The following SCN7A variants were observed in gnomAD, a reference collection of about 807,000 sequenced individuals.
The protein encoded by SCN7A is sodium channel protein type 7 subunit alpha.
A neutral mutation model predicts 155.2 loss-of-function variants in SCN7A; 138 were observed. That is an observed-to-expected ratio of 0.89 (90% CI 0.77 to 1.02). SCN7A has a LOEUF of 1.02. Ranked by LOEUF, SCN7A falls within the 50% of genes least tolerant of loss-of-function variation. The pLI is 0.00. For missense variants in SCN7A, 2,058 were observed against 1,986.6 expected, an observed-to-expected ratio of 1.04 and a Z score of -0.68; for synonymous variants, 693 against 649.0, an observed-to-expected ratio of 1.07 and a Z score of -1.03.
rs35864629 is a variant in SCN7A at position 166,409,708 on chromosome 2, C to A, written c.3939G>T (p.Ala1313=). 1.2e-5 allele frequency: 19 copies of A among 1,539,492 alleles called. No homozygotes were observed. Among genetic ancestry groups the A allele is most frequent in the East Asian group, 4.9e-5 (2 of 40,814 alleles). ...CCACCATAAAATCAAAAATGTTCCA[C>A]GCAATGGTGAAATAAAAACAACGGA... ...IAFRCFYFTI[A]WNIFDFMVVI... Residue 1313 remains alanine, a synonymous_variant, in exon 25 of 26, where the codon GCG becomes GCT. Transcript: ENST00000643258.
At position 166,406,146 on chromosome 2, in the gene SCN7A, C is replaced by A; in HGVS notation, c.4483G>T (p.Val1495Phe). 2 of 1,611,936 alleles carry A rather than the reference C, an allele frequency of 1.2e-6. No individual in the cohort carries two copies. Among genetic ancestry groups the A allele is most frequent in the Non-Finnish European group, 1.7e-6 (2 of 1,178,856 alleles). Reference sequence around the variant, plus strand: ...GAAGCAATATTTAAAAACTCCATGACAACAACAATGTACATATTTACAATG... The same window carrying A: ...GAAGCAATATTTAAAAACTCCATGAAAACAACAATGTACATATTTACAATG... ...LIIVNMYIVVVMEFLNIASKK... is the reference protein window; with the variant it reads ...LIIVNMYIVVFMEFLNIASKK... The change falls in exon 26 of 26, where the codon GTC becomes TTC. Residue 1495 changes from valine to phenylalanine, a missense_variant. Transcript: ENST00000643258.
intron 2 of SCN7A, 38 bp from the exon 3 acceptor site, chr2:166,477,748 AAAACATAAAAGTAC>A: frequency 7.7e-7 from 1 of 1,303,432 alleles, no homozygotes; most frequent in Non-Finnish European, 1.0e-6. Flanking sequence ...GTATACTAAT[AAAACATAAAAGTAC>A]AAAAGATTAG....
rs776347908 is a variant in SCN7A at position 166,423,253 on chromosome 2, AC to A, written c.3027+5del. 6.3e-6 allele frequency: 10 copies of A among 1,596,326 alleles called. No homozygotes were observed. In the Admixed American group the frequency reaches 1.1e-4, roughly 18 times the overall value. ...AATAGCCTTTCATTTTCTTTAAAAT[AC>A]GTACAATAACAACCACGAAGTCCAG... On this transcript the variant is annotated splice_donor_5th_base_variant and intron_variant, in intron 19 of 25. Coordinates refer to ENST00000643258, the MANE Select transcript of SCN7A (RefSeq NM_002976.4).
chr2:166,406,843 G>T (rs1037808713), intron 25 of SCN7A, among the ~76,000 whole-genome samples, 197 bp from the exon 26 acceptor site: 5 of 151,940 alleles, frequency 3.3e-5, no homozygotes, highest in Admixed American at 3.3e-4. Flanking sequence ...TTGTATCAAT[G>T]CTCAGGGTAT....
chr2:166,425,882 C>T (rs1306361973), intron 18 of SCN7A, among the ~76,000 whole-genome samples: 6 of 152,018 alleles, frequency 3.9e-5, no homozygotes, highest in Admixed American at 2.6e-4. Context: ...ATTTGAGGAC[C>T]ATTTATCAGC....
At chr2:166,471,998 A>G (rs998556898) in intron 6 of SCN7A, among the ~76,000 whole-genome samples, 1 of 151,922 alleles carries the variant, frequency 6.6e-6, no homozygotes, top group Admixed American at 6.6e-5. Context: ...GTTTTAGGGT[A>G]TATGTGCACA....
chr2:166,480,327 G>A (rs899930184), intron 2 of SCN7A, among the ~76,000 whole-genome samples: 1 of 151,864 alleles, frequency 6.6e-6, no homozygotes, highest in South Asian at 2.1e-4. Flanking sequence ...GCGTGGTGGC[G>A]GGCGCCTGTA....
intron 2 of SCN7A, among the ~76,000 whole-genome samples, chr2:166,486,031 A>G (rs1703038284): frequency 6.6e-6 from 1 of 152,154 alleles, no homozygotes; most frequent in African/African-American, 2.4e-5. Context: ...CCAGATTATA[A>G]CTTGCCCTTC....
At chr2:166,412,705 T>A in intron 22 of SCN7A, 38 bp from the exon 23 acceptor site, 1 of 1,459,262 alleles carries the variant, frequency 6.9e-7, no homozygotes, top group South Asian at 1.5e-5. Flanking sequence ...GATATTGGCT[T>A]TTTAAAACAA....
intron 21 of SCN7A, among the ~76,000 whole-genome samples, chr2:166,414,242 G>A (rs1457962977): frequency 3.4e-4 from 20 of 59,062 alleles, no homozygotes; most frequent in East Asian, 7.1e-4. Context: ...ATCTATATAT[G>A]TAAATATATA....
At chr2:166,479,880 T>C (rs1478010459) in intron 2 of SCN7A, among the ~76,000 whole-genome samples, 1 of 152,090 alleles carries the variant, frequency 6.6e-6, no homozygotes, top group Non-Finnish European at 1.5e-5. Context: ...AAGGGAAGAA[T>C]ATGTGCTAGG....
chr2:166,443,913 A>G (rs1043822438), intron 13 of SCN7A, among the ~76,000 whole-genome samples: 1 of 152,198 alleles, frequency 6.6e-6, no homozygotes, highest in Non-Finnish European at 1.5e-5. Context: ...AATAAAATTG[A>G]TCCTCGAAGA....
Position 166,444,814 on chromosome 2 carries a change from T to C in SCN7A, c.1574A>G (p.Glu525Gly). ...AGTTTGTTTACTCATTGGATAATGC[T>C]CCAAGGTCAGAAAACATACGTTTAA... ...IILNVCFLTL[E>G]HYPMSKQTNT... is the part of the protein sequence containing the mutation. Residue 525 changes from glutamate (E) to glycine (G), a missense_variant, in exon 13 of 26, where the codon GAG (glutamate) becomes GGG (glycine). Glu to Gly is a moderately conservative substitution (Grantham distance 98). Transcript: ENST00000643258. The C allele has an allele frequency of 6.2e-7, 1 of 1,607,920 alleles. No individual in the cohort carries two copies.
intron 2 of SCN7A, among the ~76,000 whole-genome samples, chr2:166,484,692 C>T (rs1003222178): frequency 3.3e-5 from 5 of 151,828 alleles, no homozygotes; most frequent in African/African-American, 1.2e-4. Flanking sequence ...GAAAAAATGA[C>T]ACATTATAAA....
intron 2 of SCN7A, among the ~76,000 whole-genome samples, chr2:166,481,078 A>G (rs1224208554): frequency 6.6e-6 from 1 of 152,224 alleles, no homozygotes; most frequent in Non-Finnish European, 1.5e-5. Flanking sequence ...AGTTATCTAT[A>G]TTCGATATGA....
Position 166,405,344 on chromosome 2 carries a change from T to C in SCN7A, c.*236A>G. The C allele has an allele frequency of 4.5e-6, 2 of 443,158 alleles. No individual in the cohort carries two copies. Among genetic ancestry groups the C allele is most frequent in the Non-Finnish European group, 7.9e-6 (2 of 253,606 alleles). 27.5% of individuals were successfully genotyped at this position (443,158 alleles called of 1,614,324 possible). ...CCATGTAGAGAAAACAAATATGAGA[T>C]TGTCAAATGGCCACTTTAACCCACT... is the stretch of plus-strand genomic sequence containing the variant. On this transcript the variant is annotated 3_prime_UTR_variant, in exon 26 of 26. Coordinates refer to ENST00000643258, the MANE Select transcript of SCN7A (RefSeq NM_002976.4).
intron 9 of SCN7A, among the ~76,000 whole-genome samples, chr2:166,463,728 G>A (rs1702462896): frequency 6.6e-6 from 1 of 152,138 alleles, no homozygotes; most frequent in Admixed American, 6.5e-5. Context: ...AGAACAGAAT[G>A]GGAGCCCAGC....
intron 22 of SCN7A, 33 bp from the exon 23 acceptor site, chr2:166,412,700 T>C (rs1475848413): frequency 1.4e-6 from 2 of 1,465,834 alleles, no homozygotes; most frequent in East Asian, 2.7e-5. Flanking sequence ...TTATTGATAT[T>C]GGCTTTTTAA....
At chr2:166,442,138 C>T (rs1348198365) in intron 14 of SCN7A, among the ~76,000 whole-genome samples, 1 of 152,128 alleles carries the variant, frequency 6.6e-6, no homozygotes, top group Non-Finnish European at 1.5e-5. Context: ...GAAAGTCTTT[C>T]AGGATCCAGT....
Sources: allele counts gnomAD v4.1 joint callset (sites outside exome capture counted in the v4.1 genomes callset), GRCh38; gene constraint gnomAD v4.1.1; transcripts MANE v1.5; gene names NCBI Gene and HGNC (gene_info 2026-07-23, HGNC 2026-07-21).